SAMD13: variants seen among roughly 807,000 people sequenced by gnomAD.
SAMD13 encodes the protein sterile alpha motif domain-containing protein 13.
A neutral mutation model predicts 12.4 loss-of-function variants in SAMD13; 9 were observed. The observed-to-expected ratio is 0.72, with a 90% CI of 0.44 to 1.26. The LOEUF (loss-of-function observed/expected upper bound fraction) is 1.26, where lower values mean the gene tolerates loss of function less well. SAMD13 is among the 50% of genes most tolerant of loss of function. The pLI is 0.00. For synonymous variants in SAMD13, 46 were observed against 45.4 expected, an observed-to-expected ratio of 1.01 and a Z score of -0.05; for missense variants, 84 against 119.6, an observed-to-expected ratio of 0.70 and a Z score of 1.39.
chr1:84,328,809 C>T lies in SAMD13; in HGVS notation c.165+3061C>T, dbSNP rs562698418. Reference sequence around the variant, plus strand: ...AGGTACATGCAGGTACATGCAAGGTCACAGCGCTGAGAAACAATTAGAACA... The same window carrying T: ...AGGTACATGCAGGTACATGCAAGGTTACAGCGCTGAGAAACAATTAGAACA... On this transcript the variant is annotated intron_variant, in intron 3 of 3. Coordinates refer to ENST00000394834, the MANE Select transcript of SAMD13 (RefSeq NM_001134663.2). Among the ~76,000 whole-genome samples, 70 of 152,224 alleles carry T rather than the reference C, an allele frequency of 4.6e-4. 1 individual carries two copies. Among genetic ancestry groups the T allele is most frequent in the Non-Finnish European group, 1.8e-4 (12 of 67,998 alleles).
At chr1:84,317,646 G>A (rs1246312962) in intron 2 of SAMD13, among the ~76,000 whole-genome samples, 3 of 151,902 alleles carry the variant, frequency 2.0e-5, no homozygotes, top group Non-Finnish European at 4.4e-5. Context: ...AGGGATATTG[G>A]CCTATAATTT....
At chr1:84,298,663 G>A (rs939937042), upstream of SAMD13, 3 of 1,141,050 alleles carry the variant, frequency 2.6e-6, no homozygotes, top group African/African-American at 1.6e-5. Flanking sequence ...AATGAAAACC[G>A]CTCTGCCCTC....
intron 3 of SAMD13, among the ~76,000 whole-genome samples, chr1:84,330,242 C>CAAGCTCCTGCTTTAAGAG (rs1679150343): frequency 6.6e-6 from 1 of 152,188 alleles, no homozygotes; most frequent in Admixed American, 6.5e-5. Flanking sequence ...GAATACTGCT[C>CAAGCTCCTGCTTTAAGAG]AAGCTCCTGC....
At chr1:84,315,947 G>A (rs780621203) in intron 2 of SAMD13, among the ~76,000 whole-genome samples, 1 of 151,986 alleles carries the variant, frequency 6.6e-6, no homozygotes, top group Non-Finnish European at 1.5e-5. Context: ...GCATTGATTT[G>A]CATTTCCTTG....
chr1:84,303,263 A>G lies in SAMD13; in HGVS notation c.29A>G (p.Glu10Gly). Residue 10 changes from glutamate (E) to glycine (G), a missense_variant, in exon 2 of 4, where the codon GAA becomes GGA. Transcript: ENST00000394834. The part of the protein sequence containing the change: MLSVDMENK[E>G]NGSVGVKNSM... ...CTATCTGTTGACATGGAAAACAAGGAAAATGGCTCTGTCGGTGTAAAAAAG... is the reference window on the plus strand; with the variant it reads ...CTATCTGTTGACATGGAAAACAAGGGAAATGGCTCTGTCGGTGTAAAAAAG... 1 of 1,612,772 alleles carries G rather than the reference A, an allele frequency of 6.2e-7. No individual in the cohort carries two copies. The highest frequency in any genetic ancestry group is 8.5e-7 in the Non-Finnish European group (1 of 1,178,918).
chr1:84,322,016 A>G (rs1176962957), intron 2 of SAMD13, among the ~76,000 whole-genome samples: 1 of 152,228 alleles, frequency 6.6e-6, no homozygotes, highest in African/African-American at 2.4e-5. Context: ...TGTTGAGGGC[A>G]ATAAATGCCT....
At chr1:84,314,686 GA>G (rs1042845191) in intron 2 of SAMD13, among the ~76,000 whole-genome samples, 13 of 152,104 alleles carry the variant, frequency 8.5e-5, no homozygotes, top group African/African-American at 3.1e-4. Flanking sequence ...AAAGGGGTGG[GA>G]GGGGGCGTGG....
chr1:84,306,188 T>G (rs1222862981), intron 2 of SAMD13, among the ~76,000 whole-genome samples: 2 of 152,138 alleles, frequency 1.3e-5, no homozygotes, highest in African/African-American at 4.8e-5. Context: ...GTGAAGATCT[T>G]GCACCTTTTT....
At chr1:84,319,677 T>C (rs1451818192) in intron 2 of SAMD13, among the ~76,000 whole-genome samples, 1 of 151,546 alleles carries the variant, frequency 6.6e-6, no homozygotes, top group Non-Finnish European at 1.5e-5. Context: ...ATTTTATTTG[T>C]ACTAGAATGT....
intron 3 of SAMD13, among the ~76,000 whole-genome samples, chr1:84,348,676 C>T (rs568431750): frequency 6.6e-6 from 1 of 152,322 alleles, no homozygotes; most frequent in Admixed American, 6.5e-5. Flanking sequence ...GGATCCCCAT[C>T]TCTTTTGTGA....
intron 2 of SAMD13, among the ~76,000 whole-genome samples, chr1:84,323,292 A>G (rs895790817): frequency 6.6e-6 from 1 of 152,208 alleles, no homozygotes; most frequent in African/African-American, 2.4e-5. Context: ...ATTCCAGCAC[A>G]TAGATAATTT....
chr1:84,334,778 A>C (rs1046821511), intron 3 of SAMD13, among the ~76,000 whole-genome samples: 4 of 152,100 alleles, frequency 2.6e-5, no homozygotes, highest in Non-Finnish European at 5.9e-5. Flanking sequence ...CAGTAGTTTC[A>C]CATAATTTCT....
chr1:84,302,194 G>A, intron 1 of SAMD13, among the ~76,000 whole-genome samples: 1 of 152,132 alleles, frequency 6.6e-6, no homozygotes, highest in East Asian at 1.9e-4. Context: ...ATAAAATCTT[G>A]CGAATATACT....
chr1:84,317,286 T>G (rs541387691), intron 2 of SAMD13, among the ~76,000 whole-genome samples: 1 of 152,130 alleles, frequency 6.6e-6, no homozygotes, highest in Non-Finnish European at 1.5e-5. Flanking sequence ...TCGTTCCTGA[T>G]CTTAATGGAA....
chr1:84,322,393 T>C (rs771319984), intron 2 of SAMD13, among the ~76,000 whole-genome samples: 10 of 152,214 alleles, frequency 6.6e-5, no homozygotes, highest in Non-Finnish European at 1.3e-4. Context: ...TTAACCTTTC[T>C]GAGCCTTCGT....
chr1:84,321,309 T>C (rs1392660467), intron 2 of SAMD13, among the ~76,000 whole-genome samples: 1 of 152,124 alleles, frequency 6.6e-6, no homozygotes, highest in Non-Finnish European at 1.5e-5. Flanking sequence ...GAAACATTGA[T>C]AATTTGATTA....
rs539954851 is a variant in SAMD13 at position 84,324,571 on chromosome 1, C to T, written c.54-1066C>T. ...CTACTCCCCACAGGACTGTAAGGCC[C>T]GTAAGAATAAGGGTGGTGTCTGTTT... On this transcript the variant is annotated intron_variant, in intron 2 of 3. Coordinates refer to ENST00000394834, the MANE Select transcript of SAMD13 (RefSeq NM_001134663.2). Among the ~76,000 whole-genome samples the T allele has an allele frequency of 7.9e-5, 12 of 152,242 alleles. No individual in the cohort carries two copies. In the South Asian group the frequency reaches 2.5e-3, roughly 32 times the overall value.
Position 84,325,634 on chromosome 1 carries a change from C to G in SAMD13, c.54-3C>G, listed in dbSNP as rs182945508. ...GACAACTGTCTGGATTTGTGTTTTGCAGTTCCATGGAAAATGGGAGACCAC... is the reference window on the plus strand; with the variant it reads ...GACAACTGTCTGGATTTGTGTTTTGGAGTTCCATGGAAAATGGGAGACCAC... On this transcript the variant is annotated splice_polypyrimidine_tract_variant and splice_region_variant and intron_variant, in intron 2 of 3. Coordinates refer to ENST00000394834, the MANE Select transcript of SAMD13 (RefSeq NM_001134663.2). 1 of 1,579,700 alleles carries G rather than the reference C, an allele frequency of 6.3e-7. No homozygotes were observed. The highest frequency in any genetic ancestry group is 2.2e-5 in the East Asian group (1 of 44,710).
chr1:84,343,795 C>T (rs1679476457), intron 3 of SAMD13, among the ~76,000 whole-genome samples: 1 of 152,110 alleles, frequency 6.6e-6, no homozygotes, highest in Non-Finnish European at 1.5e-5. Flanking sequence ...TGCAACAAAC[C>T]ACCATGGCAC....
Sources: allele counts gnomAD v4.1 joint callset (sites outside exome capture counted in the v4.1 genomes callset), GRCh38; gene constraint gnomAD v4.1.1; transcripts MANE v1.5; gene names NCBI Gene and HGNC (gene_info 2026-07-23, HGNC 2026-07-21).